PTPRB: variants seen among roughly 807,000 people sequenced by gnomAD.
The protein encoded by PTPRB is protein tyrosine phosphatase receptor type B, also known as receptor-type tyrosine-protein phosphatase beta.
In PTPRB, 97 loss-of-function variants were observed where a neutral mutation model predicts 238.1. That is an observed-to-expected ratio of 0.41 (90% CI 0.35 to 0.48). The LOEUF is 0.48. Ranked by LOEUF, PTPRB falls within the 20% of genes least tolerant of loss-of-function variation. PTPRB has a pLI of 0.30. For missense variants in PTPRB, 2,292 were observed against 2,681.9 expected, an observed-to-expected ratio of 0.85 and a Z score of 3.21; for synonymous variants, 970 against 995.4, an observed-to-expected ratio of 0.97 and a Z score of 0.48.
In PTPRB at chr12:70,597,547, C is replaced by T. The variant is rs1401204486; in HGVS notation, c.980-1220G>A. Among the ~76,000 whole-genome samples, 6 of 152,086 alleles carry T rather than the reference C, an allele frequency of 3.9e-5. No homozygotes were observed. The South Asian group carries it at 1.2e-3, about 32-fold the overall frequency. On this transcript the variant is annotated intron_variant, in intron 4 of 33. Coordinates refer to ENST00000334414, the MANE Select transcript of PTPRB (RefSeq NM_001109754.4). ...TGCTGAGAGTAGAACTATTGAGAGA[C>T]CTCTTTATGAGAAATTTTCAGAAAT...
Position 70,524,576 on chromosome 12 carries a change from G to C in PTPRB, c.6520C>G (p.Leu2174Val). Residue 2174 changes from leucine to valine, a missense_variant, in exon 33 of 34, where the codon CTA (leucine) becomes GTA (valine). By Grantham distance (32) the Leu-to-Val change is conservative. This residue lies in a region of PTPRB where 397 missense variants were observed against 502.0 expected (regional missense o/e 0.79). Transcript: ENST00000334414. ...MVQTECQYVY[L>V]HQCVRDVLRA... ...AGGACATCTCTTACACACTGATGTA[G>C]GTAGACATACTGACACTGTGGAAAA... The C allele has an allele frequency of 6.2e-7, 1 of 1,611,724 alleles. No individual in the cohort carries two copies. The highest frequency in any genetic ancestry group is 8.5e-7 in the Non-Finnish European group (1 of 1,178,622).
At chr12:70,533,792 C>T (rs979896622) in intron 31 of PTPRB, among the ~76,000 whole-genome samples, 1 of 152,166 alleles carries the variant, frequency 6.6e-6, no homozygotes, top group African/African-American at 2.4e-5. Context: ...TGTGAGGACA[C>T]AGCCTTTGTC....
At chr12:70,563,137 G>A (rs1393921456) in intron 15 of PTPRB, 30 bp from the exon 16 acceptor site, 8 of 1,587,520 alleles carry the variant, frequency 5.0e-6, no homozygotes, top group African/African-American at 2.7e-5. Flanking sequence ...AGAGAATGAG[G>A]GAGGGAAATG....
Position 70,609,325 on chromosome 12 carries a change from C to T in PTPRB, c.723G>A (p.Glu241=). 1 of 1,613,890 alleles carries T rather than the reference C, an allele frequency of 6.2e-7. No individual in the cohort carries two copies. Among genetic ancestry groups the T allele is most frequent in the Middle Eastern group, 1.7e-4 (1 of 6,042 alleles). ...SSTTEETGLA[E]PERCNFTLAE... is the part of the protein sequence containing the mutation. ...CCAGGGTGAAGTTACATCTCTCTGGCTCCGCCAGTCCAGTCTGCAAAGGAA... is the reference window on the plus strand; with the variant it reads ...CCAGGGTGAAGTTACATCTCTCTGGTTCCGCCAGTCCAGTCTGCAAAGGAA... The change falls in exon 4 of 34, where the codon GAG becomes GAA. Residue 241 remains glutamate (E), a synonymous_variant. Transcript: ENST00000334414.
In PTPRB at chr12:70,635,953, C is replaced by T. The variant is rs2584021; in HGVS notation, c.169G>A (p.Asp57Asn). The change falls in exon 2 of 34, where the codon GAT becomes AAT. Residue 57 changes from aspartate (D) to asparagine (N), a missense_variant. By Grantham distance (23) the Asp-to-Asn change is conservative. Coordinates refer to ENST00000334414, the MANE Select transcript of PTPRB (RefSeq NM_001109754.4). ...GATTTAACATGAAGGAGCTTTTCAT[C>T]CTCAGTCCACATCCACTGCTGGTTC... ...IQNQQWMWTE[D>N]EKLLHVKSAL... is the part of the protein sequence containing the mutation. 162,752 of 1,613,200 alleles carry T rather than the reference C, an allele frequency of 0.1. 14,114 individuals are homozygous for T. The highest frequency in any genetic ancestry group is 0.39 in the East Asian group (17,333 of 44,800).
chr12:70,531,912 C>CT, intron 32 of PTPRB, 123 bp downstream of exon 32: 1 of 1,136,982 alleles, frequency 8.8e-7, no homozygotes, highest in East Asian at 2.5e-5. Context: ...ACATGCAGTT[C>CT]TTTTTTTCTC....
At chr12:70,552,670 C>T (rs553867106) in intron 21 of PTPRB, 107 bp downstream of exon 21, 207 of 1,384,590 alleles carry the variant, frequency 1.5e-4, no homozygotes, top group Middle Eastern at 1.3e-3. Context: ...ACTCTTGTAA[C>T]GTAGGTTATT....
chr12:70,530,410 T>C (rs1206139858), intron 32 of PTPRB, among the ~76,000 whole-genome samples: 1 of 152,160 alleles, frequency 6.6e-6, no homozygotes, highest in East Asian at 1.9e-4. Flanking sequence ...CACATATGCA[T>C]ACAAATGTAC....
intron 8 of PTPRB, among the ~76,000 whole-genome samples, chr12:70,589,644 C>G (rs1359511069): frequency 7.0e-6 from 1 of 143,096 alleles, no homozygotes; most frequent in African/African-American, 2.4e-5. Flanking sequence ...GCAATGGTTC[C>G]CTAATGCTGA....
chr12:70,533,643 A>AATC (rs1873644964), intron 31 of PTPRB, among the ~76,000 whole-genome samples: 1 of 152,204 alleles, frequency 6.6e-6, no homozygotes, highest in Admixed American at 6.5e-5. Context: ...GTTGAAACTT[A>AATC]ATCTTCAATG....
At chr12:70,624,258 A>G in intron 2 of PTPRB, among the ~76,000 whole-genome samples, 1 of 152,324 alleles carries the variant, frequency 6.6e-6, no homozygotes. Context: ...CTTATACTAA[A>G]GATTATTTGT....
At chr12:70,631,654 G>A (rs2136608457) in intron 2 of PTPRB, among the ~76,000 whole-genome samples, 2 of 152,200 alleles carry the variant, frequency 1.3e-5, no homozygotes, top group Middle Eastern at 3.4e-3. Context: ...CCTACAGAAT[G>A]GGAGAAAATT....
chr12:70,536,235 T>A, intron 28 of PTPRB, 76 bp from the exon 29 acceptor site: 2 of 1,490,556 alleles, frequency 1.3e-6, no homozygotes, highest in Non-Finnish European at 1.8e-6. Context: ...TTCTTCAGAT[T>A]AGATGATAGG....
At chr12:70,558,574 G>A (rs561855909) in intron 18 of PTPRB, among the ~76,000 whole-genome samples, 13 of 152,254 alleles carry the variant, frequency 8.5e-5, no homozygotes, top group African/African-American at 2.6e-4. Flanking sequence ...ATGCCTTTGG[G>A]AAGAAACTGG....
At chr12:70,626,234 T>C (rs745805780) in intron 2 of PTPRB, among the ~76,000 whole-genome samples, 2 of 143,212 alleles carry the variant, frequency 1.4e-5, no homozygotes, top group African/African-American at 5.2e-5. Flanking sequence ...GAGCAAATCA[T>C]CTGGAAAAAA....
chr12:70,552,749 C>T, intron 21 of PTPRB, 28 bp downstream of exon 21: 1 of 1,611,880 alleles, frequency 6.2e-7, no homozygotes, highest in Non-Finnish European at 8.5e-7. Flanking sequence ...CATGTCCCTT[C>T]TAGCAAAACA....
At chr12:70,592,963 T>G (rs982891227) in intron 6 of PTPRB, among the ~76,000 whole-genome samples, 1 of 152,234 alleles carries the variant, frequency 6.6e-6, no homozygotes, top group African/African-American at 2.4e-5. Flanking sequence ...TTAAGTGGAA[T>G]GCACAAAAAG....
chr12:70,543,116 G>A (rs983822241), intron 22 of PTPRB: 3 of 152,026 alleles, frequency 2.0e-5, no homozygotes, highest in African/African-American at 4.8e-5. Flanking sequence ...TAAATCCAGA[G>A]TATCCATTTT....
At chr12:70,566,305 T>G in intron 15 of PTPRB, 130 bp downstream of exon 15, 1 of 1,193,980 alleles carries the variant, frequency 8.4e-7, no homozygotes, top group East Asian at 2.6e-5. Flanking sequence ...CAAATCAGGG[T>G]GAATGTTCCC....
Sources: gnomAD v4.1 joint callset for allele counts (sites outside exome capture counted in the v4.1 genomes callset) on GRCh38, gnomAD v4.1.1 for gene constraint, gnomAD v4.1.1 regional missense constraint, MANE v1.5 for transcripts, NCBI Gene and HGNC (gene_info 2026-07-23, HGNC 2026-07-21) for gene names.